The following RTN4R variants were observed in gnomAD, a reference collection of about 807,000 sequenced individuals.
The protein encoded by RTN4R is reticulon-4 receptor.
RTN4R carries 4 observed loss-of-function variants against 27.7 expected under a neutral mutation model. The ratio of observed to expected loss-of-function variants is 0.14; its 90% CI spans 0.07 to 0.33. The LOEUF (loss-of-function observed/expected upper bound fraction) is 0.33, where lower values mean the gene tolerates loss of function less well. Ranked by LOEUF, RTN4R falls within the 10% of genes least tolerant of loss-of-function variation. RTN4R has a pLI of 1.00. For synonymous variants in RTN4R, 290 were observed against 305.6 expected (o/e 0.95, Z 0.53); for missense variants, 554 against 671.5 (o/e 0.83, Z 1.93).
chr22:20,264,392 A>C (rs2051265358), intron 1 of RTN4R, among the ~76,000 whole-genome samples: 1 of 152,100 alleles, frequency 6.6e-6, no homozygotes, highest in South Asian at 2.1e-4. Context: ...CCCCAGGGAC[A>C]GTGCAGGGAG....
chr22:20,252,510 G>A (rs1210969206), intron 1 of RTN4R, among the ~76,000 whole-genome samples: 2 of 152,180 alleles, frequency 1.3e-5, no homozygotes, highest in African/African-American at 4.8e-5. Context: ...CCTCAGATGA[G>A]GCACTGACTG....
chr22:20,242,587 G>A lies in RTN4R; in HGVS notation c.546C>T (p.His182=). 6.2e-7 allele frequency: 1 copy of A among 1,613,274 alleles called. No homozygotes were observed. The highest frequency in any genetic ancestry group is 8.5e-7 in the Non-Finnish European group (1 of 1,179,930). ...DTFRDLGNLT[H]LFLHGNRISS... ...AGATGCGGTTGCCGTGCAGGAAGAG[G>A]TGTGTGAGGTTGCCCAGGTCGCGGA... Residue 182 remains histidine (H), a synonymous_variant, in exon 2 of 2, where the codon CAC becomes CAT. Coordinates refer to ENST00000043402, the MANE Select transcript of RTN4R (RefSeq NM_023004.6).
Position 20,268,308 on chromosome 22 carries a change from C to CGGGGGCTGGGG in RTN4R, c.-217_-216insCCCCAGCCCCC, listed in dbSNP as rs2051293090. 5.5e-3 allele frequency: 5 copies of CGGGGGCTGGGG among 906 alleles called. No individual in the cohort carries two copies. Among genetic ancestry groups the CGGGGGCTGGGG allele is most frequent in the Admixed American group, 0.013 (1 of 78 alleles). 0.1% of individuals were successfully genotyped at this position (906 alleles called of 1,614,324 possible). ...AGGGCGCACAGGGCGAGGGCGGCGG[C>CGGGGGCTGGGG]GGCGCGGGGGTTGGGGCGTGGGCGG... On this transcript the variant is annotated 5_prime_UTR_variant, in exon 1 of 2. Transcript: ENST00000043402.
At chr22:20,264,011 G>A (rs1410604472) in intron 1 of RTN4R, among the ~76,000 whole-genome samples, 2 of 10,202 alleles carry the variant, frequency 2.0e-4, no homozygotes, top group Non-Finnish European at 2.9e-4. Context: ...GCCAGCCCAC[G>A]GTTGTCAAAG....
intron 1 of RTN4R, among the ~76,000 whole-genome samples, chr22:20,245,428 C>T (rs1049375609): frequency 6.6e-6 from 1 of 152,164 alleles, no homozygotes; most frequent in East Asian, 1.9e-4. Context: ...ATAATCAAAC[C>T]CAACTTTGCA....
chr22:20,254,090 G>C (rs779042602), intron 1 of RTN4R, among the ~76,000 whole-genome samples: 2 of 152,042 alleles, frequency 1.3e-5, no homozygotes, highest in African/African-American at 2.4e-5. Flanking sequence ...GGCCCCCAGG[G>C]GTCAAGGGAA....
chr22:20,268,043 C>T (rs960673810), intron 1 of RTN4R, 28 bp downstream of exon 1: 4 of 1,149,118 alleles, frequency 3.5e-6, no homozygotes, highest in Non-Finnish European at 4.3e-6. Context: ...CGCCGCCGGC[C>T]GGGCTCGGGT....
At chr22:20,245,174 A>G (rs561044964) in intron 1 of RTN4R, among the ~76,000 whole-genome samples, 10 of 152,066 alleles carry the variant, frequency 6.6e-5, no homozygotes, top group East Asian at 5.8e-4. Flanking sequence ...AGGGGAGGAC[A>G]TGGGGGAGTG....
rs1366111950 is a variant in RTN4R, at chr22:20,268,183, C to T, written c.-91G>A. ...CGGCCGGGTCCGCATCCAGGCGCCG[C>T]CGCTACGGCCCGGCCCCGGCCCGGC... On this transcript the variant is annotated 5_prime_UTR_variant, in exon 1 of 2. Coordinates refer to ENST00000043402, the MANE Select transcript of RTN4R (RefSeq NM_023004.6). The T allele has an allele frequency of 1.9e-6, 1 of 533,824 alleles. No homozygotes were observed. Among genetic ancestry groups the T allele is most frequent in the Non-Finnish European group, 2.5e-6 (1 of 399,434 alleles). The allele number at this position is 533,824 out of a possible 1,614,324, so 33.1% of individuals were successfully genotyped here.
At chr22:20,250,497 C>T (rs1290494843) in intron 1 of RTN4R, among the ~76,000 whole-genome samples, 1 of 152,192 alleles carries the variant, frequency 6.6e-6, no homozygotes, top group African/African-American at 2.4e-5. Context: ...CAGCAGTTCA[C>T]TCAGACCCCC....
intron 1 of RTN4R, among the ~76,000 whole-genome samples, chr22:20,244,177 C>T (rs2051126823): frequency 1.3e-5 from 2 of 152,254 alleles, no homozygotes; most frequent in South Asian, 4.1e-4. Flanking sequence ...CCTGCGTTGA[C>T]AGCTAACACC....
chr22:20,252,906 C>T (rs1301515835), intron 1 of RTN4R, among the ~76,000 whole-genome samples: 2 of 152,188 alleles, frequency 1.3e-5, no homozygotes, highest in African/African-American at 4.8e-5. Flanking sequence ...CAGCACCTAC[C>T]TCCCCCCAGG....
At chr22:20,262,901 G>A (rs2051256094) in intron 1 of RTN4R, among the ~76,000 whole-genome samples, 1 of 152,216 alleles carries the variant, frequency 6.6e-6, no homozygotes, top group Admixed American at 6.5e-5. Flanking sequence ...TCTCAACAAG[G>A]TTGTGATAGC....
chr22:20,243,877 AG>A (rs2051124773), intron 1 of RTN4R, among the ~76,000 whole-genome samples: 1 of 151,414 alleles, frequency 6.6e-6, no homozygotes, highest in Non-Finnish European at 1.5e-5. Flanking sequence ...GTTCTCCCCC[AG>A]CCCCAGGTGC....
At chr22:20,243,369 C>A (rs193080272) in intron 1 of RTN4R, 1 of 695,816 alleles carries the variant, frequency 1.4e-6, no homozygotes, top group Admixed American at 2.0e-5. Context: ...CCATACCACA[C>A]CCAGGAGCAG....
chr22:20,249,614 C>T (rs1457266154), intron 1 of RTN4R, among the ~76,000 whole-genome samples: 2 of 152,146 alleles, frequency 1.3e-5, no homozygotes, highest in African/African-American at 2.4e-5. Context: ...ACAATAAGAG[C>T]CCCCAGGGCT....
chr22:20,261,031 G>T (rs570173946), intron 1 of RTN4R, among the ~76,000 whole-genome samples: 1 of 152,176 alleles, frequency 6.6e-6, no homozygotes, highest in African/African-American at 2.4e-5. Flanking sequence ...ATGAACTAAC[G>T]TGTCTCTCAG....
chr22:20,247,583 T>C (rs1297754859), intron 1 of RTN4R, among the ~76,000 whole-genome samples: 3 of 149,602 alleles, frequency 2.0e-5, no homozygotes, highest in African/African-American at 4.9e-5. Flanking sequence ...AGAATTCCCA[T>C]GGTGTTTCCT....
At chr22:20,256,378 C>T (rs554657648) in intron 1 of RTN4R, among the ~76,000 whole-genome samples, 2 of 152,350 alleles carry the variant, frequency 1.3e-5, no homozygotes, top group Admixed American at 1.3e-4. Flanking sequence ...CCTGACCTTT[C>T]ATCCCACAGA....
Sources: gnomAD v4.1 joint callset for allele counts (sites outside exome capture counted in the v4.1 genomes callset) on GRCh38, gnomAD v4.1.1 for gene constraint, MANE v1.5 for transcripts, NCBI Gene and HGNC (gene_info 2026-07-23, HGNC 2026-07-21) for gene names.